The following CRTC1 variants were observed in gnomAD, a reference collection of about 807,000 sequenced individuals.
The protein encoded by CRTC1 is CREB-regulated transcription coactivator 1.
Under a neutral mutation model 66.1 loss-of-function variants are expected in CRTC1, and 18 were observed. That is an observed-to-expected ratio of 0.27 (90% confidence interval 0.19 to 0.40). The LOEUF (loss-of-function observed/expected upper bound fraction) is 0.40, where lower values mean the gene tolerates loss of function less well. Ranked by LOEUF, CRTC1 falls within the 10% of genes least tolerant of loss-of-function variation. The pLI is 1.00. For synonymous variants in CRTC1, 416 were observed against 398.8 expected, an observed-to-expected ratio of 1.04 and a Z score of -0.51; for missense variants, 669 against 887.9, an observed-to-expected ratio of 0.75 and a Z score of 3.13.
intron 6 of CRTC1, among the ~76,000 whole-genome samples, chr19:18,756,500 G>C (rs2054492200): frequency 6.6e-6 from 1 of 151,784 alleles, no homozygotes; most frequent in African/African-American, 2.4e-5. Flanking sequence ...TTTTAAAACA[G>C]TTAGCTAGTG....
intron 1 of CRTC1, among the ~76,000 whole-genome samples, chr19:18,699,903 G>A (rs966236845): frequency 3.3e-5 from 5 of 152,142 alleles, no homozygotes; most frequent in African/African-American, 1.2e-4. Context: ...GGAGGGGCCA[G>A]GGCAGGTGTC....
chr19:18,742,503 C>T (rs1017443235), intron 1 of CRTC1, among the ~76,000 whole-genome samples: 18 of 152,340 alleles, frequency 1.2e-4, no homozygotes, highest in Non-Finnish European at 2.6e-4. Flanking sequence ...AGTGGGAAGC[C>T]GCCTGGCCTG....
At chr19:18,708,610 C>T (rs989134344) in intron 1 of CRTC1, among the ~76,000 whole-genome samples, 8 of 152,096 alleles carry the variant, frequency 5.3e-5, no homozygotes, top group Middle Eastern at 3.2e-3. Flanking sequence ...AGGGCTGGGG[C>T]GGCACTTGGG....
At position 18,768,210 on chromosome 19, in the gene CRTC1, G is replaced by T. The variant is rs2054778488; in HGVS notation, c.1012-275G>T. Among the ~76,000 whole-genome samples the T allele has an allele frequency of 6.6e-6, 1 of 152,192 alleles. No homozygotes were observed. The highest frequency in any genetic ancestry group is 2.1e-4 in the South Asian group (1 of 4,834). Reference sequence around the variant, plus strand: ...GGGCTTGCCCTGCAGCTGGTGGACTGGCCTGAGCTGCACGGCATGTAGTGC... The same window carrying T: ...GGGCTTGCCCTGCAGCTGGTGGACTTGCCTGAGCTGCACGGCATGTAGTGC... On this transcript the variant is annotated intron_variant, in intron 9 of 13. Coordinates refer to ENST00000321949, the MANE Select transcript of CRTC1 (RefSeq NM_015321.3). This position sits in a 1 kb window ranked among gnomAD's most constrained non-coding sequence, Gnocchi z 5.6.
At chr19:18,747,242 A>T in intron 4 of CRTC1, 128 bp downstream of exon 4, 2 of 663,796 alleles carry the variant, frequency 3.0e-6, no homozygotes, top group African/African-American at 1.8e-5. Context: ...TGCATCCAGA[A>T]GTTTCTAGAA....
chr19:18,762,352 TGCC>T (rs555803575), intron 8 of CRTC1, among the ~76,000 whole-genome samples: 110 of 152,356 alleles, frequency 7.2e-4, no homozygotes, highest in African/African-American at 2.6e-3. Context: ...TTTGTGAACC[TGCC>T]GCCCAAGCAG....
chr19:18,769,594 G>A (rs1057351827), intron 10 of CRTC1, among the ~76,000 whole-genome samples: 3 of 152,196 alleles, frequency 2.0e-5, no homozygotes, highest in African/African-American at 7.2e-5. Context: ...CTGACCTCAC[G>A]GAGGGGACCA....
intron 1 of CRTC1, among the ~76,000 whole-genome samples, chr19:18,704,155 G>A (rs2145551227): frequency 1.3e-5 from 2 of 152,268 alleles, no homozygotes; most frequent in South Asian, 4.1e-4. Flanking sequence ...ATAGGGATCT[G>A]CCTGTGTTGC....
In CRTC1 at chr19:18,741,531, G is replaced by A. The variant is rs889363813; in HGVS notation, c.127-1379G>A. On this transcript the variant is annotated intron_variant, in intron 1 of 13. Transcript: ENST00000321949. This position sits in a 1 kb window ranked among gnomAD's most constrained non-coding sequence, Gnocchi z 4.2. ...GAGAAAGTCACGGGAGGCCACAGGC[G>A]ACCTATGCCCAGGTAGGTGTGGGGT... Among the ~76,000 whole-genome samples the A allele has an allele frequency of 1.3e-5, 2 of 152,152 alleles. No homozygotes were observed. Among genetic ancestry groups the A allele is most frequent in the African/African-American group, 4.8e-5 (2 of 41,424 alleles).
Position 18,768,836 on chromosome 19 carries a change from T to C in CRTC1, c.1320+43T>C, listed in dbSNP as rs931065995. 1.3e-6 allele frequency: 2 copies of C among 1,555,242 alleles called. No homozygotes were observed. Among genetic ancestry groups the C allele is most frequent in the Admixed American group, 1.9e-5 (1 of 53,070 alleles). On this transcript the variant is annotated intron_variant, in intron 10 of 13. Transcript: ENST00000321949. The surrounding 1 kb of genome is among the most constrained non-coding windows in gnomAD (Gnocchi z 5.6). ...TCCCTCGGGGCCTGACTGGGGGTCTTGTAGAGGACAGCCCGGGGGCTGCAG... is the reference window on the plus strand; with the variant it reads ...TCCCTCGGGGCCTGACTGGGGGTCTCGTAGAGGACAGCCCGGGGGCTGCAG...
At chr19:18,709,728 C>A (rs905701511) in intron 1 of CRTC1, among the ~76,000 whole-genome samples, 9 of 152,164 alleles carry the variant, frequency 5.9e-5, no homozygotes, top group African/African-American at 2.2e-4. Flanking sequence ...ATGCTGGGAC[C>A]CCAGCCTGGA....
At chr19:18,763,712 G>A (rs1167049904) in intron 8 of CRTC1, among the ~76,000 whole-genome samples, 2 of 152,216 alleles carry the variant, frequency 1.3e-5, no homozygotes, top group Non-Finnish European at 2.9e-5. Flanking sequence ...CTCGAGACGG[G>A]CCACAGTGCT....
At chr19:18,772,769 C>T (rs1179216065) in intron 11 of CRTC1, among the ~76,000 whole-genome samples, 1 of 152,198 alleles carries the variant, frequency 6.6e-6, no homozygotes, top group Non-Finnish European at 1.5e-5. Flanking sequence ...GCATGGGGGT[C>T]AGCCTGGTGT....
intron 1 of CRTC1, among the ~76,000 whole-genome samples, chr19:18,714,271 C>T (rs955133602): frequency 4.6e-5 from 7 of 152,150 alleles, no homozygotes; most frequent in South Asian, 2.1e-4. Flanking sequence ...CAGGCGGGCG[C>T]ACTCCATCCA....
rs1373825594 is a variant in CRTC1, at chr19:18,700,193, C to A, written c.126+16365C>A. On this transcript the variant is annotated intron_variant, in intron 1 of 13. Coordinates refer to ENST00000321949, the MANE Select transcript of CRTC1 (RefSeq NM_015321.3). The stretch of plus-strand genomic sequence containing the variant: ...CTCTGTACTTGGGTCCTGACGCCTC[C>A]GCTGGTCCCAGGAGTTTCACTCCGT... Among the ~76,000 whole-genome samples the A allele has an allele frequency of 2.0e-5, 3 of 152,288 alleles. No individual in the cohort carries two copies. In the South Asian group the frequency reaches 6.2e-4, roughly 32 times the overall value.
chr19:18,698,771 T>G (rs1319731711), intron 1 of CRTC1, among the ~76,000 whole-genome samples: 1 of 150,036 alleles, frequency 6.7e-6, no homozygotes, highest in Non-Finnish European at 1.5e-5. Context: ...GTGCACAATG[T>G]GTATACAGGT....
chr19:18,750,389 C>T (rs527785246), intron 5 of CRTC1, among the ~76,000 whole-genome samples: 2 of 152,216 alleles, frequency 1.3e-5, no homozygotes, highest in Non-Finnish European at 2.9e-5. Context: ...CAACTCTTGG[C>T]CAGAGTGTCG....
intron 1 of CRTC1, among the ~76,000 whole-genome samples, chr19:18,732,840 C>G (rs1436339189): frequency 6.6e-6 from 1 of 152,030 alleles, no homozygotes; most frequent in Non-Finnish European, 1.5e-5. Context: ...CCTGTAATTC[C>G]AGCACTTTGG....
chr19:18,744,253 C>A, intron 2 of CRTC1: 1 of 1,217,974 alleles, frequency 8.2e-7, no homozygotes, highest in Non-Finnish European at 1.1e-6. Context: ...GCTCCCCAAG[C>A]GGCCGCCCCT....
Sources: allele counts gnomAD v4.1 joint callset (sites outside exome capture counted in the v4.1 genomes callset), GRCh38; gene constraint gnomAD v4.1.1; non-coding constraint Gnocchi (gnomAD v3.1); transcripts MANE v1.5; gene names NCBI Gene and HGNC (gene_info 2026-07-23, HGNC 2026-07-21).